Variants in AGO4 observed in about 807,000 individuals in gnomAD.
AGO4 encodes the protein protein argonaute-4.
Under a neutral mutation model 104.7 loss-of-function variants are expected in AGO4, and 33 were observed. That is an observed-to-expected ratio of 0.32 (90% CI 0.24 to 0.42). The LOEUF (loss-of-function observed/expected upper bound fraction) is 0.42, where lower values mean the gene tolerates loss of function less well. AGO4 is among the 10% of genes least tolerant of loss of function. The pLI is 1.00. For missense variants in AGO4, 711 were observed against 1,083.4 expected, an observed-to-expected ratio of 0.66 and a Z score of 4.83; for synonymous variants, 331 against 364.7, an observed-to-expected ratio of 0.91 and a Z score of 1.05.
rs1220157982 is a variant in AGO4 at position 35,836,039 on chromosome 1, A to G, written c.1724+46A>G. 2.5e-6 allele frequency: 4 copies of G among 1,586,136 alleles called. No individual in the cohort carries two copies. In the East Asian group the frequency reaches 6.7e-5, roughly 27 times the overall value. On this transcript the variant is annotated intron_variant, in intron 13 of 17. Coordinates refer to ENST00000373210, the MANE Select transcript of AGO4 (RefSeq NM_017629.4). The stretch of plus-strand genomic sequence containing the variant: ...CCCACTTTTGTTTAAGATCTAACTT[A>G]CATAATTTATGGGAAAGCACACAAA...
rs1381946767 is a variant in AGO4 at position 35,850,164 on chromosome 1, A to G, written c.2183A>G (p.Lys728Arg). ...TTTTTTTGTTTTTTGTAGGTAGGGA[A>G]AAGTGGCAATGTACCAGCAGGCACT... ...FCADKTERVG[K>R]SGNVPAGTTV... The change falls in exon 16 of 18, where the codon AAA becomes AGA. Residue 728 changes from lysine to arginine, a missense_variant. Physicochemically the swap from Lys to Arg is conservative, Grantham distance 26. Around this residue, in one of 3 missense-constraint regions of AGO4, gnomAD observed 401 missense variants for 665.5 expected, o/e 0.60. Transcript: ENST00000373210. 1.3e-6 allele frequency: 2 copies of G among 1,573,562 alleles called. No homozygotes were observed. The highest frequency in any genetic ancestry group is 1.7e-6 in the Non-Finnish European group (2 of 1,161,314).
chr1:35,817,741 T>C (rs1382805967), intron 2 of AGO4, among the ~76,000 whole-genome samples: 1 of 152,224 alleles, frequency 6.6e-6, no homozygotes, highest in Admixed American at 6.6e-5. Flanking sequence ...CTCTTTGCTG[T>C]CAAGTTAAAT....
intron 11 of AGO4, among the ~76,000 whole-genome samples, chr1:35,833,546 T>G (rs1231136142): frequency 6.6e-6 from 1 of 152,214 alleles, no homozygotes; most frequent in Non-Finnish European, 1.5e-5. Context: ...AATACACTGA[T>G]TTTGTAACAG....
At chr1:35,836,558 T>C (rs1251065031) in intron 13 of AGO4, among the ~76,000 whole-genome samples, 1 of 152,164 alleles carries the variant, frequency 6.6e-6, no homozygotes, top group East Asian at 1.9e-4. Context: ...TACAGGCACC[T>C]GCCACCACAC....
At chr1:35,817,949 C>T (rs985866821) in intron 2 of AGO4, among the ~76,000 whole-genome samples, 9 of 152,120 alleles carry the variant, frequency 5.9e-5, no homozygotes, top group African/African-American at 1.7e-4. Flanking sequence ...GCCCTGTGCT[C>T]TGGGAATTCA....
At chr1:35,830,452 G>A (rs1196094263) in intron 7 of AGO4, among the ~76,000 whole-genome samples, 2 of 152,298 alleles carry the variant, frequency 1.3e-5, no homozygotes, top group South Asian at 4.1e-4. Flanking sequence ...TTTGAAGCCA[G>A]CAAGAGGTTG....
rs1643351763 is a variant in AGO4, at chr1:35,808,077, GC to G, written c.-335del. 1 of 148,868 alleles carries G rather than the reference GC, an allele frequency of 6.7e-6. No homozygotes were observed. Among genetic ancestry groups the G allele is most frequent in the African/African-American group, 2.4e-5 (1 of 40,974 alleles). 9.2% of individuals were successfully genotyped at this position (148,868 alleles called of 1,614,324 possible). A position where few individuals can be genotyped will look rare whatever the true frequency, so the allele number is the denominator to read the frequency against. On this transcript the variant is annotated 5_prime_UTR_variant, in exon 1 of 18. Coordinates refer to ENST00000373210, the MANE Select transcript of AGO4 (RefSeq NM_017629.4). This position sits in a 1 kb window ranked among gnomAD's most constrained non-coding sequence, Gnocchi z 5.2. ...GGACCCCGCGCCCGGGGCCGCGCAC[GC>G]CCCCTCCGCCCGCCGGGACCCTGGG...
chr1:35,851,139 ATTT>A, intron 17 of AGO4, 86 bp downstream of exon 17: 6 of 1,324,572 alleles, frequency 4.5e-6, no homozygotes, highest in Non-Finnish European at 6.2e-6. Flanking sequence ...TTTTTTAAGG[ATTT>A]AAACTTTCAG....
chr1:35,816,512 C>T (rs1005621079), intron 1 of AGO4, among the ~76,000 whole-genome samples: 14 of 151,968 alleles, frequency 9.2e-5, no homozygotes, highest in Non-Finnish European at 1.9e-4. Flanking sequence ...GAATAAATAG[C>T]ACAGCAGGCC....
chr1:35,809,567 C>T (rs1301885907), intron 1 of AGO4, among the ~76,000 whole-genome samples: 2 of 152,156 alleles, frequency 1.3e-5, no homozygotes, highest in African/African-American at 4.8e-5. Context: ...AATCAAATTT[C>T]ATATGCCTTT....
chr1:35,833,285 T>TA (rs913811893), intron 11 of AGO4, among the ~76,000 whole-genome samples: 98 of 147,538 alleles, frequency 6.6e-4, no homozygotes, highest in African/African-American at 2.3e-3. Context: ...CTCAAAAAAA[T>TA]AAAAATAAAA....
At chr1:35,814,631 C>T (rs1186710751) in intron 1 of AGO4, among the ~76,000 whole-genome samples, 2 of 151,934 alleles carry the variant, frequency 1.3e-5, no homozygotes, top group Admixed American at 1.3e-4. Flanking sequence ...TCTATGGGTT[C>T]CCCTATAGAG....
Position 35,841,419 on chromosome 1 carries a change from G to A in AGO4, c.1979G>A (p.Arg660His), listed in dbSNP as rs146736735. The change falls in exon 14 of 18, where the codon CGC (arginine) becomes CAC (histidine). Residue 660 changes from arginine to histidine, a missense_variant. This residue lies in a region of AGO4 where 401 missense variants were observed against 665.5 expected (regional missense o/e 0.60). Coordinates refer to ENST00000373210, the MANE Select transcript of AGO4 (RefSeq NM_017629.4). This position sits in a 1 kb window ranked among gnomAD's most constrained non-coding sequence, Gnocchi z 4.7. ...CTGATTCAGTTCTACAAATCCACAC[G>A]CTTCAAACCCACTCGGATCATCTAT... ...ELLIQFYKSTRFKPTRIIYYR... is the reference protein window; with the variant it reads ...ELLIQFYKSTHFKPTRIIYYR... 1.6e-4 allele frequency: 260 copies of A among 1,613,994 alleles called. 1 individual carries two copies. Among genetic ancestry groups the A allele is most frequent in the Non-Finnish European group, 2.0e-4 (236 of 1,180,032 alleles).
chr1:35,841,758 GATATA>G lies in AGO4; in HGVS notation c.2175+15_2175+19del, dbSNP rs759808671. ...GCAGATAAAACAGAAAGGGTAAGAAGATATAATATAAGCTTTGTTATCTGAGGCTC... is the reference window on the plus strand; with the variant it reads ...GCAGATAAAACAGAAAGGGTAAGAAGATATAAGCTTTGTTATCTGAGGCTC... On this transcript the variant is annotated intron_variant, in intron 15 of 17. Transcript: ENST00000373210. This position sits in a 1 kb window ranked among gnomAD's most constrained non-coding sequence, Gnocchi z 4.7. 7.5e-6 allele frequency: 12 copies of G among 1,609,854 alleles called. No homozygotes were observed. In the East Asian group the frequency reaches 2.2e-4, roughly 30 times the overall value.
intron 7 of AGO4, among the ~76,000 whole-genome samples, chr1:35,828,778 C>G (rs929734026): frequency 4.6e-5 from 7 of 152,180 alleles, no homozygotes; most frequent in African/African-American, 1.7e-4. Context: ...GCCTCGGCCT[C>G]CCAAAGTGCT....
At chr1:35,826,890 T>A (rs1644034537) in intron 7 of AGO4, 55 bp downstream of exon 7, 2 of 1,568,242 alleles carry the variant, frequency 1.3e-6, no homozygotes, top group Non-Finnish European at 1.7e-6. Flanking sequence ...CAGAGGGAGC[T>A]ACTATAATTG....
At position 35,816,979 on chromosome 1, in the gene AGO4, T is replaced by C. The variant is rs1643729835; in HGVS notation, c.117T>C (p.Ile39=). The change falls in exon 2 of 18, where the codon ATT becomes ATC. Residue 39 remains isoleucine (I), a synonymous_variant. Transcript: ENST00000373210. ...TAGCCAATCATTTTCAGGTTCAGATTCCTAAAATAGATGTGTATCACTATG... is the reference window on the plus strand; with the variant it reads ...TAGCCAATCATTTTCAGGTTCAGATCCCTAAAATAGATGTGTATCACTATG... ...RLLANHFQVQ[I]PKIDVYHYDV... The C allele has an allele frequency of 2.5e-6, 4 of 1,614,050 alleles. No homozygotes were observed. Among genetic ancestry groups the C allele is most frequent in the Non-Finnish European group, 3.4e-6 (4 of 1,179,982 alleles).
chr1:35,831,043 G>T (rs1385186515), intron 7 of AGO4, among the ~76,000 whole-genome samples: 1 of 151,416 alleles, frequency 6.6e-6, no homozygotes, highest in African/African-American at 2.4e-5. Flanking sequence ...ATTATTAGTG[G>T]GCTTTGTTTG....
rs556603069 is a variant in AGO4, at chr1:35,845,795, CAAA to C, written c.2175+4046_2175+4048del. ...TAGGCCAAAAACAACAACAAAAACCCAAATCGTAGTGGCTTACAAAGACTTGCT... is the reference window on the plus strand; with the variant it reads ...TAGGCCAAAAACAACAACAAAAACCCTCGTAGTGGCTTACAAAGACTTGCT... On this transcript the variant is annotated intron_variant, in intron 15 of 17. Coordinates refer to ENST00000373210, the MANE Select transcript of AGO4 (RefSeq NM_017629.4). Among the ~76,000 whole-genome samples the C allele has an allele frequency of 2.6e-3, 400 of 152,282 alleles. 1 individual carries two copies. The highest frequency in any genetic ancestry group is 4.7e-3 in the Non-Finnish European group (318 of 68,024).
Sources: gnomAD v4.1 joint callset for allele counts (sites outside exome capture counted in the v4.1 genomes callset) on GRCh38, gnomAD v4.1.1 for gene constraint, gnomAD v4.1.1 regional missense constraint, Gnocchi (gnomAD v3.1) non-coding constraint, MANE v1.5 for transcripts, NCBI Gene and HGNC (gene_info 2026-07-23, HGNC 2026-07-21) for gene names.